The following ECPAS variants were observed in gnomAD, a reference collection of about 807,000 sequenced individuals.
The protein encoded by ECPAS is proteasome adapter and scaffold protein ECM29.
In ECPAS, 70 loss-of-function variants were observed where a neutral mutation model predicts 255.1. The ratio of observed to expected loss-of-function variants is 0.27; its 90% CI spans 0.23 to 0.33. The LOEUF is 0.33. Ranked by LOEUF, ECPAS falls within the 10% of genes least tolerant of loss-of-function variation. The pLI, the probability that ECPAS is intolerant of heterozygous loss-of-function variation, is 1.00. For synonymous variants in ECPAS, 784 were observed against 775.0 expected, an observed-to-expected ratio of 1.01 and a Z score of -0.19; for missense variants, 1,817 against 2,206.4, an observed-to-expected ratio of 0.82 and a Z score of 3.54.
intron 24 of ECPAS, among the ~76,000 whole-genome samples, chr9:111,403,120 C>T (rs1291636045): frequency 1.3e-5 from 2 of 149,860 alleles, no homozygotes; most frequent in Non-Finnish European, 1.5e-5. Flanking sequence ...TGGGAGGCCA[C>T]AGTGGGCAGA....
chr9:111,377,672 T>C (rs1308100973), intron 36 of ECPAS, among the ~76,000 whole-genome samples: 1 of 152,226 alleles, frequency 6.6e-6, no homozygotes, highest in Non-Finnish European at 1.5e-5. Flanking sequence ...ATTAGTATGT[T>C]TGTTTGGTTT....
intron 24 of ECPAS, 32 bp downstream of exon 24, chr9:111,408,539 A>T: frequency 7.5e-7 from 1 of 1,335,620 alleles, no homozygotes; most frequent in Non-Finnish European, 1.0e-6. Flanking sequence ...CTTTTCTCTG[A>T]ATAACTAACA....
chr9:111,422,035 A>C lies in ECPAS; in HGVS notation c.1341T>G (p.Pro447=). The C allele has an allele frequency of 6.2e-7, 1 of 1,613,728 alleles. No individual in the cohort carries two copies. The highest frequency in any genetic ancestry group is 8.5e-7 in the Non-Finnish European group (1 of 1,179,772). ...QLFEALCKEE[P]ETRLAIQEAL... Reference sequence around the variant, plus strand: ...CTTCTTGAATAGCAAGTCGAGTCTCAGGCTCTTCCTATAAAGATGATAAAA... The same window carrying C: ...CTTCTTGAATAGCAAGTCGAGTCTCCGGCTCTTCCTATAAAGATGATAAAA... The change falls in exon 15 of 50, where the codon CCT becomes CCG. Residue 447 remains proline (P), a synonymous_variant. Transcript: ENST00000684092.
chr9:111,407,438 A>ACAAAAAAAAAGAAAAAAAAAC (rs2098186664), intron 24 of ECPAS, among the ~76,000 whole-genome samples: 1 of 124,844 alleles, frequency 8.0e-6, no homozygotes, highest in Non-Finnish European at 1.6e-5. Context: ...AAAAAAAAAA[A>ACAAAAAAAAAGAAAAAAAAAC]CCTAGAAGAA....
intron 25 of ECPAS, 105 bp downstream of exon 25, chr9:111,396,925 G>C: frequency 5.0e-6 from 7 of 1,391,490 alleles, no homozygotes; most frequent in Non-Finnish European, 7.0e-6. Context: ...ATAAATATTT[G>C]AAAACAGTAA....
In ECPAS at chr9:111,362,195, C is replaced by CA. The variant is rs3832629; in HGVS notation, c.5381-27dup. 2.7e-4 allele frequency: 387 copies of CA among 1,454,876 alleles called. 1 individual carries two copies. Among genetic ancestry groups the CA allele is most frequent in the South Asian group, 6.3e-4 (47 of 74,520 alleles). 90.1% of individuals were successfully genotyped at this position (1,454,876 alleles called of 1,614,324 possible). On this transcript the variant is annotated intron_variant, in intron 49 of 49. Transcript: ENST00000684092. ...CTGCATGAAAAAAAAAAAACAAAAA[C>CA]AAAAAAAACAAAAAACAAAGCAAAA... is the stretch of plus-strand genomic sequence containing the variant.
chr9:111,421,407 A>ATATGTGTG (rs886564326), intron 15 of ECPAS, among the ~76,000 whole-genome samples: 14 of 127,354 alleles, frequency 1.1e-4, no homozygotes, highest in Admixed American at 3.8e-4. Context: ...CATATTACAT[A>ATATGTGTG]TATGTGTGTG....
At chr9:111,369,802 G>C (rs532976511) in intron 45 of ECPAS, among the ~76,000 whole-genome samples, 146 of 152,136 alleles carry the variant, frequency 9.6e-4, no homozygotes, top group Non-Finnish European at 1.6e-3. Context: ...CATGAAACTT[G>C]AGTCTTTTTT....
chr9:111,394,352 A>G (rs778988902), intron 25 of ECPAS, 47 bp from the exon 26 acceptor site: 63 of 1,435,510 alleles, frequency 4.4e-5, no homozygotes, highest in Non-Finnish European at 5.4e-5. Context: ...ATAACTCAAC[A>G]TAGTTTCCTG....
At chr9:111,483,783 C>T (rs1038769938) in intron 1 of ECPAS, 3 of 182,932 alleles carry the variant, frequency 1.6e-5, no homozygotes, top group African/African-American at 7.4e-5. Flanking sequence ...TGCGGAGCCG[C>T]TGCCGCTGCC....
At chr9:111,371,577 A>G (rs765626157) in intron 43 of ECPAS, 44 bp downstream of exon 43, 1 of 1,507,608 alleles carries the variant, frequency 6.6e-7, no homozygotes, top group Non-Finnish European at 9.2e-7. Context: ...AAAATGAAAG[A>G]TGAAGTCAGA....
Position 111,369,138 on chromosome 9 carries a change from T to C in ECPAS, c.5010A>G (p.Lys1670=). 6.2e-7 allele frequency: 1 copy of C among 1,606,512 alleles called. No individual in the cohort carries two copies. Among genetic ancestry groups the C allele is most frequent in the Non-Finnish European group, 8.5e-7 (1 of 1,177,376 alleles). ...TTTCCTTTTCATTCTCCTCTTCATT[T>C]TTGGTTGTCCGGACCCCACTGCTTT... ...SLESSGVRTT[K]NEEENEKEKE... Residue 1670 remains lysine, a synonymous_variant, in exon 46 of 50, where the codon AAA becomes AAG. Coordinates refer to ENST00000684092, the MANE Select transcript of ECPAS (RefSeq NM_001364929.1).
intron 2 of ECPAS, among the ~76,000 whole-genome samples, chr9:111,467,340 AC>A (rs1425039053): frequency 6.6e-6 from 1 of 152,208 alleles, no homozygotes; most frequent in African/African-American, 2.4e-5. Context: ...AGAAAAGTAT[AC>A]TATCAAAAGG....
chr9:111,385,548 T>C lies in ECPAS; in HGVS notation c.3528-106A>G, dbSNP rs1418108622. On this transcript the variant is annotated intron_variant, in intron 32 of 49. Transcript: ENST00000684092. ...CAGATTCTGCCTCTAATTCGAGTTC[T>C]CATCCCCTCACCCCAAAACAGCAAT... is the stretch of plus-strand genomic sequence containing the variant. 1.1e-5 allele frequency: 8 copies of C among 696,924 alleles called. No individual in the cohort carries two copies. In the Admixed American group the frequency reaches 2.3e-4, roughly 20 times the overall value. 43.2% of individuals were successfully genotyped at this position (696,924 alleles called of 1,614,324 possible). A position where few individuals can be genotyped will look rare whatever the true frequency, so the allele number is the denominator to read the frequency against.
In ECPAS at chr9:111,372,358, T is replaced by C. The variant is rs2098128394; in HGVS notation, c.4528+71A>G. On this transcript the variant is annotated intron_variant, in intron 42 of 49. Transcript: ENST00000684092. ...AAGTAACTTCAGAGGAGTTTATGAATAACGAATGCAAGTAAAAAATTCTAG... is the reference window on the plus strand; with the variant it reads ...AAGTAACTTCAGAGGAGTTTATGAACAACGAATGCAAGTAAAAAATTCTAG... The C allele has an allele frequency of 6.5e-6, 9 of 1,387,924 alleles. No homozygotes were observed. The South Asian group carries it at 7.8e-5, about 12-fold the overall frequency. 86.0% of individuals were successfully genotyped at this position (1,387,924 alleles called of 1,614,324 possible).
intron 24 of ECPAS, among the ~76,000 whole-genome samples, chr9:111,402,702 T>C (rs1203039334): frequency 6.6e-6 from 1 of 152,220 alleles, no homozygotes; most frequent in Non-Finnish European, 1.5e-5. Context: ...AACAGAGTTT[T>C]TAAGTTTTTT....
At chr9:111,476,631 G>C (rs1319563973) in intron 1 of ECPAS, among the ~76,000 whole-genome samples, 1 of 146,548 alleles carries the variant, frequency 6.8e-6, no homozygotes, top group African/African-American at 2.6e-5. Flanking sequence ...GCCCAGGCTG[G>C]AGGGCAATGA....
chr9:111,379,321 G>C (rs2098137666), intron 35 of ECPAS, among the ~76,000 whole-genome samples: 1 of 152,210 alleles, frequency 6.6e-6, no homozygotes, highest in Non-Finnish European at 1.5e-5. Context: ...AGTGCATATA[G>C]AAGTTTTGTT....
intron 12 of ECPAS, among the ~76,000 whole-genome samples, chr9:111,425,142 T>C (rs888829849): frequency 1.3e-5 from 2 of 151,092 alleles, no homozygotes; most frequent in African/African-American, 2.4e-5. Flanking sequence ...GCTAAGATCA[T>C]GCCATTGCAC....
Sources: allele counts gnomAD v4.1 joint callset (sites outside exome capture counted in the v4.1 genomes callset), GRCh38; gene constraint gnomAD v4.1.1; transcripts MANE v1.5; gene names NCBI Gene and HGNC (gene_info 2026-07-23, HGNC 2026-07-21).